The following ARL15 variants were observed in gnomAD, a reference collection of about 807,000 sequenced individuals.
ARL15 encodes the protein ARF like GTPase 15, also known as ADP-ribosylation factor-like protein 15.
A neutral mutation model predicts 25.2 loss-of-function variants in ARL15; 19 were observed. The ratio of observed to expected loss-of-function variants is 0.75; its 90% CI spans 0.53 to 1.10. The LOEUF (loss-of-function observed/expected upper bound fraction) is 1.10. ARL15 is among the 50% of genes least tolerant of loss of function. ARL15 has a pLI of 0.00. For synonymous variants in ARL15, 94 were observed against 86.8 expected, an observed-to-expected ratio of 1.08 and a Z score of -0.46; for missense variants, 220 against 246.0, an observed-to-expected ratio of 0.89 and a Z score of 0.71.
intron 4 of ARL15, among the ~76,000 whole-genome samples, chr5:54,025,701 A>C (rs1749771178): frequency 6.6e-6 from 1 of 152,106 alleles, no homozygotes; most frequent in Admixed American, 6.6e-5. Context: ...TTACAATCCG[A>C]TCACATTAGT....
intron 4 of ARL15, among the ~76,000 whole-genome samples, chr5:54,064,579 T>C (rs116240228): frequency 1.2e-3 from 190 of 152,228 alleles, no homozygotes; most frequent in African/African-American, 4.3e-3. Context: ...CCAGTTTTCC[T>C]GAATACTTCT....
At chr5:54,007,026 G>C in intron 4 of ARL15, among the ~76,000 whole-genome samples, 1 of 152,062 alleles carries the variant, frequency 6.6e-6, no homozygotes, top group East Asian at 1.9e-4. Flanking sequence ...AGGAGACGGA[G>C]GTTGCAAAAC....
chr5:54,040,804 T>C lies in ARL15; in HGVS notation c.462+72398A>G, dbSNP rs540080268. Among the ~76,000 whole-genome samples the C allele has an allele frequency of 5.3e-5, 8 of 152,328 alleles. No homozygotes were observed. The South Asian group carries it at 1.7e-3, about 32-fold the overall frequency. On this transcript the variant is annotated intron_variant, in intron 4 of 4. Coordinates refer to ENST00000504924, the MANE Select transcript of ARL15 (RefSeq NM_019087.3). Reference sequence around the variant, plus strand: ...CAGATTTTATAAATTTTTTATGGTGTAGTTTTTATAGTGCATCTATAAAAT... The same window carrying C: ...CAGATTTTATAAATTTTTTATGGTGCAGTTTTTATAGTGCATCTATAAAAT...
At chr5:54,088,624 A>G (rs1752046505) in intron 4 of ARL15, among the ~76,000 whole-genome samples, 1 of 152,202 alleles carries the variant, frequency 6.6e-6, no homozygotes, top group South Asian at 2.1e-4. Flanking sequence ...GTCCAAGGAC[A>G]ACACTAGGCA....
At chr5:54,301,293 G>A (rs1412393690) in intron 1 of ARL15, among the ~76,000 whole-genome samples, 1 of 152,014 alleles carries the variant, frequency 6.6e-6, no homozygotes, top group Non-Finnish European at 1.5e-5. Context: ...GAAAGATAGA[G>A]CATTATGTTA....
At chr5:54,305,340 A>T (rs1168856231) in intron 1 of ARL15, among the ~76,000 whole-genome samples, 1 of 152,132 alleles carries the variant, frequency 6.6e-6, no homozygotes, top group African/African-American at 2.4e-5. Flanking sequence ...TCTCTACTAA[A>T]CATACAAAAA....
At chr5:53,978,622 CA>C (rs147288475) in intron 4 of ARL15, among the ~76,000 whole-genome samples, 18 of 74,562 alleles carry the variant, frequency 2.4e-4, no homozygotes, top group East Asian at 4.0e-4. Context: ...CCTGTCTCTA[CA>C]AAAAAAAAAA....
intron 4 of ARL15, among the ~76,000 whole-genome samples, chr5:53,986,484 C>T (rs564377378): frequency 6.6e-6 from 1 of 152,240 alleles, no homozygotes; most frequent in Admixed American, 6.5e-5. Flanking sequence ...ATGTAGACTG[C>T]CAGCCTCCAC....
chr5:53,907,668 T>G (rs1478652755), intron 4 of ARL15, among the ~76,000 whole-genome samples: 2 of 150,724 alleles, frequency 1.3e-5, no homozygotes, highest in African/African-American at 4.9e-5. Flanking sequence ...CTGCTAATTT[T>G]TGTATTTTTA....
In ARL15 at chr5:54,141,918, T is replaced by TA. The variant is rs990726528; in HGVS notation, c.253+12661dup. Reference sequence around the variant, plus strand: ...TCAATAGTTCATTCACTTTGATTACTAAATAGTATTCTATTATACAGATGT... The same window carrying TA: ...TCAATAGTTCATTCACTTTGATTACTAAAATAGTATTCTATTATACAGATGT... On this transcript the variant is annotated intron_variant, in intron 3 of 4. Coordinates refer to ENST00000504924, the MANE Select transcript of ARL15 (RefSeq NM_019087.3). Among the ~76,000 whole-genome samples, 94 of 152,386 alleles carry TA rather than the reference T, an allele frequency of 6.2e-4. 1 individual carries two copies. Among genetic ancestry groups the TA allele is most frequent in the Non-Finnish European group, 1.6e-4 (11 of 68,040 alleles).
chr5:53,887,320 A>G (rs1173745041), intron 4 of ARL15: 3 of 697,972 alleles, frequency 4.3e-6, no homozygotes, highest in African/African-American at 1.8e-5. Flanking sequence ...ATACACACTT[A>G]CATAAATTTA....
intron 4 of ARL15, among the ~76,000 whole-genome samples, chr5:54,018,403 T>A (rs1749492230): frequency 6.6e-6 from 1 of 152,156 alleles, no homozygotes; most frequent in African/African-American, 2.4e-5. Context: ...ATAAGTAAAT[T>A]CTTATAAGGA....
intron 4 of ARL15, among the ~76,000 whole-genome samples, chr5:54,069,508 T>G (rs998617439): frequency 1.5e-4 from 18 of 117,448 alleles, no homozygotes; most frequent in Admixed American, 1.3e-3. Context: ...GAGGTGGAGG[T>G]TGCAGTGAGT....
chr5:54,143,810 G>A (rs1753833657), intron 3 of ARL15, among the ~76,000 whole-genome samples: 1 of 151,836 alleles, frequency 6.6e-6, no homozygotes, highest in Non-Finnish European at 1.5e-5. Flanking sequence ...CGTTCCCTAA[G>A]ATAATTTATT....
intron 1 of ARL15, among the ~76,000 whole-genome samples, chr5:54,276,795 T>C (rs1757940632): frequency 6.6e-6 from 1 of 152,126 alleles, no homozygotes; most frequent in Non-Finnish European, 1.5e-5. Context: ...GATGTGATAA[T>C]GGAAGCAAAA....
At chr5:54,169,108 T>C (rs1438261326) in intron 2 of ARL15, among the ~76,000 whole-genome samples, 2 of 152,126 alleles carry the variant, frequency 1.3e-5, no homozygotes, top group African/African-American at 2.4e-5. Flanking sequence ...TGGTAAAACG[T>C]ATTATTAAAA....
intron 3 of ARL15, among the ~76,000 whole-genome samples, chr5:54,116,279 C>G (rs1400879804): frequency 6.6e-6 from 1 of 152,062 alleles, no homozygotes; most frequent in Non-Finnish European, 1.5e-5. Context: ...GCAGCCAATA[C>G]CCACAGCAGC....
At chr5:53,907,425 G>C (rs908936858) in intron 4 of ARL15, among the ~76,000 whole-genome samples, 2 of 133,204 alleles carry the variant, frequency 1.5e-5, no homozygotes, top group African/African-American at 5.7e-5. Context: ...AATGGGCATG[G>C]AGAAGAAGGT....
At position 54,246,467 on chromosome 5, in the gene ARL15, A is replaced by G. The variant is rs757782038; in HGVS notation, c.48+63965T>C. Among the ~76,000 whole-genome samples, 30 of 151,982 alleles carry G rather than the reference A, an allele frequency of 2.0e-4. 1 individual carries two copies. The highest frequency in any genetic ancestry group is 6.6e-5 in the Admixed American group (1 of 15,258). On this transcript the variant is annotated intron_variant, in intron 1 of 4. Transcript: ENST00000504924. ...ATCCCATGGATGCCTCAAACTCAAC[A>G]TGTCCAAAACTAACCTCCCCCAAAC...
Sources: gnomAD v4.1 joint callset for allele counts (sites outside exome capture counted in the v4.1 genomes callset) on GRCh38, gnomAD v4.1.1 for gene constraint, MANE v1.5 for transcripts, NCBI Gene and HGNC (gene_info 2026-07-23, HGNC 2026-07-21) for gene names.